Variants in CSF2RA observed in about 807,000 individuals in gnomAD.
The protein encoded by CSF2RA is granulocyte-macrophage colony-stimulating factor receptor subunit alpha.
CSF2RA carries 42 observed loss-of-function variants against 51.6 expected under a neutral mutation model. The observed-to-expected ratio is 0.81, with a 90% confidence interval of 0.64 to 1.05. CSF2RA has a LOEUF of 1.05. Among genes scored for constraint, CSF2RA ranks in the 50% least tolerant of loss-of-function variants. The pLI is 0.00. For synonymous variants in CSF2RA, 222 were observed against 193.0 expected (o/e 1.15, Z -1.24); for missense variants, 530 against 501.1 (o/e 1.06, Z -0.55).
chrX:1,314,784 C>T (rs1376077438), downstream of CSF2RA, among the ~76,000 whole-genome samples: 1 of 70,182 alleles, frequency 1.4e-5, no homozygotes, highest in African/African-American at 5.5e-5. Context: ...CCCACTGCAC[C>T]TGCCCAATCC....
intron 11 of CSF2RA, among the ~76,000 whole-genome samples, chrX:1,304,900 G>A (rs113857116): frequency 0.13 from 18,697 of 148,420 alleles, 1,506 homozygotes; most frequent in Non-Finnish European, 0.18. Flanking sequence ...CTTGACCTCA[G>A]GTGATCCACC....
At chrX:1,323,070 A>T in the CSF2RA span, among the ~76,000 whole-genome samples, 6 of 151,926 alleles carry the variant, frequency 3.9e-5, no homozygotes, top group East Asian at 9.7e-4. Flanking sequence ...TGGAGGTTGC[A>T]GTGAGCCGAG....
chrX:1,280,623 CTCT>C (rs1218171898), intron 2 of CSF2RA, among the ~76,000 whole-genome samples: 2 of 151,234 alleles, frequency 1.3e-5, no homozygotes, highest in East Asian at 1.9e-4. Flanking sequence ...CCTCCTCCTT[CTCT>C]TCTTCCTCCT....
At chrX:1,311,455 GTTGGAGTC>G (rs2084181976), downstream of CSF2RA, among the ~76,000 whole-genome samples, 1 of 148,128 alleles carries the variant, frequency 6.8e-6, no homozygotes, top group Non-Finnish European at 1.5e-5. Flanking sequence ...TTTTTTTTAA[GTTGGAGTC>G]TTGCTTTGTC....
At chrX:1,290,181 G>A (rs2091262382) in intron 6 of CSF2RA, among the ~76,000 whole-genome samples, 156 bp from the exon 7 acceptor site, 1 of 112,604 alleles carries the variant, frequency 8.9e-6, no homozygotes, top group Admixed American at 8.3e-5. Context: ...TTTGTGTTTT[G>A]TGTTTTTGTG....
Position 1,285,986 on chromosome X carries a change from G to C in CSF2RA, c.219+66G>C. 2.5e-6 allele frequency: 4 copies of C among 1,606,320 alleles called. No homozygotes were observed. The South Asian group carries it at 3.3e-5, about 13-fold the overall frequency. ...ACCCCTTTCTGAGTTAAAAGCAACAGGGCCGGCTGGGCGCGGCGGCTCACG... is the reference window on the plus strand; with the variant it reads ...ACCCCTTTCTGAGTTAAAAGCAACACGGCCGGCTGGGCGCGGCGGCTCACG... On this transcript the variant is annotated intron_variant, in intron 4 of 12. Transcript: ENST00000381529.
At chrX:1,304,652 TTG>T (rs376353993) in intron 11 of CSF2RA, among the ~76,000 whole-genome samples, 52,000 of 147,644 alleles carry the variant, frequency 0.35, 9,723 homozygotes, top group East Asian at 0.71. Flanking sequence ...GGGTTTTTTT[TTG>T]TTTGTTTGTT....
At chrX:1,314,248 GCA>G (rs2084321878), downstream of CSF2RA, among the ~76,000 whole-genome samples, 1 of 106,676 alleles carries the variant, frequency 9.4e-6, no homozygotes, top group Non-Finnish European at 2.4e-5. Flanking sequence ...CAACCCCACT[GCA>G]CCTGCCCAAC....
At position 1,294,451 on chromosome X, in the gene CSF2RA, TC is replaced by T. The variant is rs2091721742; in HGVS notation, c.772del (p.His258ThrfsTer13). ...CTGGACTTTCAGTACCAGCTGGACG[TC>T]CACAGAAAGGTCGGTGAGAGCTCCC... The part of the protein sequence containing the change: ...SYLDFQYQLD[V>X]HRKNTQPGTE... On this transcript the variant is annotated frameshift_variant, in exon 8 of 13. Coordinates refer to ENST00000381529, the MANE Select transcript of CSF2RA (RefSeq NM_172245.4). LOFTEE classifies it high-confidence loss of function. The T allele has an allele frequency of 6.2e-7, 1 of 1,609,556 alleles. No homozygotes were observed.
Position 1,303,921 on chromosome X carries a change from A to G in CSF2RA, c.947-2A>G, listed in dbSNP as rs1246585553. 2 of 1,612,684 alleles carry G rather than the reference A, an allele frequency of 1.2e-6. No individual in the cohort carries two copies. Among genetic ancestry groups the G allele is most frequent in the African/African-American group, 1.3e-5 (1 of 74,812 alleles). The stretch of plus-strand genomic sequence containing the variant: ...CAGACGCAAACCTGTGTGTCTCTCC[A>G]GGTTCTGACGACGGGAACCTCGGCT... On this transcript the variant is annotated splice_acceptor_variant, in intron 10 of 12. Coordinates refer to ENST00000381529, the MANE Select transcript of CSF2RA (RefSeq NM_172245.4). LOFTEE classifies it high-confidence loss of function.
chrX:1,280,199 C>A (rs1329655680), intron 2 of CSF2RA, among the ~76,000 whole-genome samples: 1 of 152,036 alleles, frequency 6.6e-6, no homozygotes, highest in Non-Finnish European at 1.5e-5. Context: ...AGGCCGGGTG[C>A]AGTGGTTCAT....
chrX:1,294,493 G>A, intron 8 of CSF2RA, 32 bp downstream of exon 8: 1 of 1,610,976 alleles, frequency 6.2e-7, no homozygotes, highest in Non-Finnish European at 8.5e-7. Flanking sequence ...CTGGGCACCA[G>A]GAGGGAGGCG....
At chrX:1,317,246 C>CTTTTTTTT in the CSF2RA span, among the ~76,000 whole-genome samples, 23 of 57,836 alleles carry the variant, frequency 4.0e-4, no homozygotes, top group African/African-American at 7.4e-4. Flanking sequence ...CCACGCTCAG[C>CTTTTTTTT]TTTTTTTTTT....
At chrX:1,323,125 T>C in the CSF2RA span, among the ~76,000 whole-genome samples, 3 of 99,340 alleles carry the variant, frequency 3.0e-5, no homozygotes, top group Admixed American at 3.6e-4. Context: ...CGAGATTCCG[T>C]CTCAAAAAAA....
chrX:1,300,408 T>A, intron 9 of CSF2RA, 83 bp from the exon 10 acceptor site: 4 of 1,519,114 alleles, frequency 2.6e-6, no homozygotes, highest in Non-Finnish European at 3.6e-6. Flanking sequence ...AGAAAAAAAC[T>A]TAAAAGACAA....
the CSF2RA span, among the ~76,000 whole-genome samples, chrX:1,316,307 C>CAGACAGAG: frequency 2.0e-4 from 22 of 112,256 alleles, no homozygotes; most frequent in African/African-American, 7.8e-4. Flanking sequence ...GATAGATAGA[C>CAGACAGAG]AGACAGACAG....
At chrX:1,306,844 T>A (rs1382787728) in intron 12 of CSF2RA, among the ~76,000 whole-genome samples, 3 of 126,192 alleles carry the variant, frequency 2.4e-5, no homozygotes, top group South Asian at 2.7e-4. Flanking sequence ...CAGAGAGACA[T>A]AGGTGGACAC....
chrX:1,294,860 C>G (rs79947547), intron 8 of CSF2RA, among the ~76,000 whole-genome samples: 183 of 35,744 alleles, frequency 5.1e-3, no homozygotes, highest in Middle Eastern at 0.029. Flanking sequence ...CCACCTACAC[C>G]CAGTGTAGAC....
intron 10 of CSF2RA, among the ~76,000 whole-genome samples, chrX:1,301,244 A>G (rs1237054344): frequency 1.4e-5 from 2 of 145,346 alleles, no homozygotes; most frequent in South Asian, 2.3e-4. Context: ...GGGCAGGAGA[A>G]TGACTTGAAC....
Sources: gnomAD v4.1 joint callset for allele counts (sites outside exome capture counted in the v4.1 genomes callset) on GRCh38, gnomAD v4.1.1 for gene constraint, MANE v1.5 for transcripts, NCBI Gene and HGNC (gene_info 2026-07-23, HGNC 2026-07-21) for gene names.